ITSN2: variants seen among roughly 807,000 people sequenced by gnomAD.
The protein encoded by ITSN2 is intersectin-2.
In ITSN2, 156 loss-of-function variants were observed where a neutral mutation model predicts 243.7. The ratio of observed to expected loss-of-function variants is 0.64; its 90% confidence interval spans 0.56 to 0.73. ITSN2 has a LOEUF of 0.73. Among genes scored for constraint, ITSN2 ranks in the 30% least tolerant of loss-of-function variants. The pLI, the probability that ITSN2 is intolerant of heterozygous loss-of-function variation, is 0.00. For synonymous variants in ITSN2, 703 were observed against 699.9 expected, an observed-to-expected ratio of 1.00 and a Z score of -0.07; for missense variants, 1,801 against 1,996.1, an observed-to-expected ratio of 0.90 and a Z score of 1.86.
chr2:24,205,177 C>T (rs201487895), intron 38 of ITSN2, 37 bp downstream of exon 38: 2 of 1,554,598 alleles, frequency 1.3e-6, no homozygotes, highest in Non-Finnish European at 8.9e-7. Flanking sequence ...TGGGGCAGGG[C>T]AGTTATGTCT....
intron 24 of ITSN2, among the ~76,000 whole-genome samples, chr2:24,254,078 A>G (rs1277962992): frequency 6.6e-6 from 1 of 152,246 alleles, no homozygotes; most frequent in Non-Finnish European, 1.5e-5. Flanking sequence ...TCTATAATCA[A>G]TAATTGCAAC....
chr2:24,250,481 C>A lies in ITSN2; in HGVS notation c.3121-1599G>T, dbSNP rs559565177. On this transcript the variant is annotated intron_variant, in intron 25 of 39. Transcript: ENST00000355123. ...TGATGAGTGGTGGTATTAACACATA[C>A]GATTTTTCAGATACTGTGTAATGAA... 3.4e-4 allele frequency among the ~76,000 whole-genome samples: 52 copies of A among 152,236 alleles called. 1 individual carries two copies. The highest frequency in any genetic ancestry group is 3.1e-3 in the Admixed American group (48 of 15,292).
intron 1 of ITSN2, among the ~76,000 whole-genome samples, chr2:24,333,731 G>A (rs1275640527): frequency 1.3e-5 from 2 of 152,062 alleles, no homozygotes; most frequent in African/African-American, 2.4e-5. Flanking sequence ...ATTGCCAAAC[G>A]TACTTTAGAC....
Position 24,326,776 on chromosome 2 carries a change from T to G in ITSN2, c.31+1276A>C, listed in dbSNP as rs1685202344. The G allele has an allele frequency of 1.2e-5, 2 of 169,058 alleles. 1 individual carries two copies. The highest frequency in any genetic ancestry group is 2.9e-5 in the Non-Finnish European group (2 of 68,124). 10.5% of individuals were successfully genotyped at this position (169,058 alleles called of 1,614,324 possible). The stretch of plus-strand genomic sequence containing the variant: ...CCACACAGAATTTGATTTTACTTTT[T>G]ATACAAATAATTCACTTCTCCAAGA... On this transcript the variant is annotated intron_variant, in intron 2 of 39. Transcript: ENST00000355123.
At chr2:24,307,693 G>A (rs1340674265) in intron 8 of ITSN2, among the ~76,000 whole-genome samples, 1 of 152,058 alleles carries the variant, frequency 6.6e-6, no homozygotes, top group Non-Finnish European at 1.5e-5. Flanking sequence ...TTGTCCAATC[G>A]ATTCCAAAAG....
chr2:24,264,538 T>A (rs932381204), intron 20 of ITSN2, among the ~76,000 whole-genome samples: 9 of 152,220 alleles, frequency 5.9e-5, no homozygotes, highest in Non-Finnish European at 1.2e-4. Flanking sequence ...TGACATCATA[T>A]TTTACCTATT....
intron 14 of ITSN2, among the ~76,000 whole-genome samples, chr2:24,295,385 C>A (rs1316180020): frequency 6.6e-6 from 1 of 152,210 alleles, no homozygotes; most frequent in East Asian, 1.9e-4. Flanking sequence ...GGGTTCACTG[C>A]AACCTCTGCC....
At chr2:24,205,107 A>G in intron 38 of ITSN2, 107 bp downstream of exon 38, 4 of 860,120 alleles carry the variant, frequency 4.7e-6, no homozygotes, top group Non-Finnish European at 7.8e-6. Context: ...AGATCGTGCC[A>G]CTGCACTCCA....
chr2:24,336,544 G>A (rs1686398922), intron 1 of ITSN2, among the ~76,000 whole-genome samples: 1 of 151,958 alleles, frequency 6.6e-6, no homozygotes, highest in Non-Finnish European at 1.5e-5. Flanking sequence ...AATCTTTTTT[G>A]AAACAGTAAC....
intron 20 of ITSN2, among the ~76,000 whole-genome samples, chr2:24,266,649 C>T (rs1676687625): frequency 6.6e-6 from 1 of 151,828 alleles, no homozygotes; most frequent in Non-Finnish European, 1.5e-5. Flanking sequence ...GTTAAGTCTG[C>T]CAGGCACGGT....
rs1214341730 is a variant in ITSN2 at position 24,313,526 on chromosome 2, G to A, written c.125-3C>T. 6.2e-7 allele frequency: 1 copy of A among 1,611,492 alleles called. No individual in the cohort carries two copies. The highest frequency in any genetic ancestry group is 8.5e-7 in the Non-Finnish European group (1 of 1,178,718). On this transcript the variant is annotated splice_region_variant and splice_polypyrimidine_tract_variant and intron_variant, in intron 3 of 39. Coordinates refer to ENST00000355123, the MANE Select transcript of ITSN2 (RefSeq NM_006277.3). Reference sequence around the variant, plus strand: ...GAAAAAATTACGTGCTTGATCACCTGGAGGTAATAAAAACAAAACCCAAGC... The same window carrying A: ...GAAAAAATTACGTGCTTGATCACCTAGAGGTAATAAAAACAAAACCCAAGC...
intron 8 of ITSN2, 85 bp downstream of exon 8, chr2:24,308,532 C>T (rs1682840060): frequency 2.3e-6 from 2 of 855,696 alleles, no homozygotes; most frequent in African/African-American, 1.7e-5. Context: ...ATGAGCTACA[C>T]AATACAAATT....
intron 1 of ITSN2, among the ~76,000 whole-genome samples, chr2:24,346,833 A>G (rs1312619642): frequency 6.7e-6 from 1 of 149,450 alleles, no homozygotes; most frequent in Non-Finnish European, 1.5e-5. Flanking sequence ...AAAACAAAAT[A>G]CCCACTTGAT....
At position 24,210,040 on chromosome 2, in the gene ITSN2, G is replaced by A. The variant is rs770006953; in HGVS notation, c.4258-7C>T. The A allele has an allele frequency of 6.2e-7, 1 of 1,607,508 alleles. No homozygotes were observed. On this transcript the variant is annotated splice_region_variant and splice_polypyrimidine_tract_variant and intron_variant, in intron 34 of 39. Coordinates refer to ENST00000355123, the MANE Select transcript of ITSN2 (RefSeq NM_006277.3). ...GAGAGTTGAAAATAAGTTGCTTAAA[G>A]AGAAAGAAAATTTCACTTTTTAAAT...
chr2:24,356,636 G>C (rs376931616), intron 1 of ITSN2, among the ~76,000 whole-genome samples: 1 of 152,098 alleles, frequency 6.6e-6, no homozygotes, highest in South Asian at 2.1e-4. Flanking sequence ...AATGATGGCC[G>C]GGTGCAGTGG....
At position 24,301,967 on chromosome 2, in the gene ITSN2, G is replaced by A; in HGVS notation, c.993C>T (p.Phe331=). 1.2e-6 allele frequency: 2 copies of A among 1,608,244 alleles called. No homozygotes were observed. Among genetic ancestry groups the A allele is most frequent in the Non-Finnish European group, 1.7e-6 (2 of 1,176,842 alleles). ...TCTCCACCTCCAGGCACACTCACCT[G>A]AAAGATGGAGGAACAAGCTCAGGAG... The part of the protein sequence containing the change: ...TLPPELVPPS[F]RGGKQIDSIN... The change falls in exon 10 of 40, where the codon TTC becomes TTT. Residue 331 remains phenylalanine, a splice_region_variant and synonymous_variant. Transcript: ENST00000355123.
At chr2:24,318,951 A>G (rs1406910831) in intron 2 of ITSN2, among the ~76,000 whole-genome samples, 1 of 152,192 alleles carries the variant, frequency 6.6e-6, no homozygotes, top group African/African-American at 2.4e-5. Context: ...TAGGAGCACA[A>G]ACCCTATTGT....
intron 24 of ITSN2, among the ~76,000 whole-genome samples, chr2:24,253,288 C>T (rs13034801): frequency 0.038 from 5,832 of 151,982 alleles, 125 homozygotes; most frequent in South Asian, 0.088. Flanking sequence ...ATTTACTATT[C>T]GCATTCCCAG....
chr2:24,348,845 T>C (rs997596458), intron 1 of ITSN2, among the ~76,000 whole-genome samples: 7 of 152,194 alleles, frequency 4.6e-5, no homozygotes, highest in African/African-American at 1.7e-4. Context: ...ATCAAGCCAA[T>C]TTGAAGTTTT....
Sources: gnomAD v4.1 joint callset for allele counts (sites outside exome capture counted in the v4.1 genomes callset) on GRCh38, gnomAD v4.1.1 for gene constraint, MANE v1.5 for transcripts, NCBI Gene and HGNC (gene_info 2026-07-23, HGNC 2026-07-21) for gene names.